SGCD: variants seen among roughly 807,000 people sequenced by gnomAD.
SGCD encodes the protein delta-sarcoglycan.
SGCD carries 18 observed loss-of-function variants against 36.6 expected under a neutral mutation model. The ratio of observed to expected loss-of-function variants is 0.49; its 90% CI spans 0.34 to 0.73. The LOEUF is 0.73. Ranked by LOEUF, SGCD falls within the 30% of genes least tolerant of loss-of-function variation. SGCD has a pLI of 0.01. For synonymous variants in SGCD, 133 were observed against 130.6 expected (o/e 1.02, Z -0.12); for missense variants, 387 against 346.7 (o/e 1.12, Z -0.92).
chr5:156,257,699 A>C (rs1352753603), intron 3 of SGCD, among the ~76,000 whole-genome samples: 1 of 152,016 alleles, frequency 6.6e-6, no homozygotes, highest in Non-Finnish European at 1.5e-5. Context: ...CCCCGTGTCT[A>C]CTAAAAACAC....
At chr5:156,606,365 G>C (rs1761453655) in intron 6 of SGCD, among the ~76,000 whole-genome samples, 1 of 152,074 alleles carries the variant, frequency 6.6e-6, no homozygotes, top group Non-Finnish European at 1.5e-5. Flanking sequence ...TAGATATGTG[G>C]CATTATTTCT....
the SGCD span, among the ~76,000 whole-genome samples, chr5:155,756,259 T>C: frequency 6.6e-6 from 1 of 152,316 alleles, no homozygotes; most frequent in East Asian, 1.9e-4. Flanking sequence ...TTCAGAGAAA[T>C]GTAGGGGATT....
chr5:155,947,798 C>T (rs1757468817), intron 1 of SGCD, among the ~76,000 whole-genome samples: 1 of 152,042 alleles, frequency 6.6e-6, no homozygotes, highest in Non-Finnish European at 1.5e-5. Context: ...TGTAGTCACT[C>T]TGATTTAGTG....
chr5:155,966,951 G>A (rs1429101038), intron 1 of SGCD, among the ~76,000 whole-genome samples: 1 of 151,394 alleles, frequency 6.6e-6, no homozygotes, highest in Non-Finnish European at 1.5e-5. Context: ...GTGTGTGTGT[G>A]TGTGTGTATG....
intron 3 of SGCD, among the ~76,000 whole-genome samples, chr5:156,165,551 A>G (rs965578272): frequency 5.3e-5 from 8 of 152,154 alleles, no homozygotes; most frequent in East Asian, 3.9e-4. Flanking sequence ...CAGATGTTTC[A>G]ATTTGTACTA....
Position 156,051,875 on chromosome 5 carries a change from GGTT to G in SGCD, c.-281-65996_-281-65994del, listed in dbSNP as rs978493421. On this transcript the variant is annotated intron_variant, in intron 1 of 9. Coordinates refer to the SGCD transcript ENST00000517913. ...GTGCTGGGGGAAAGAGGTGGGGAAG[GGTT>G]GTTGTTCTGAGCAGAGGGAATGGGA... Among the ~76,000 whole-genome samples, 5 of 145,310 alleles carry G rather than the reference GGTT, an allele frequency of 3.4e-5. 1 individual carries two copies. The highest frequency in any genetic ancestry group is 7.4e-5 in the African/African-American group (3 of 40,426).
chr5:155,875,974 C>T (rs2113284456), intron 1 of SGCD, among the ~76,000 whole-genome samples: 1 of 151,980 alleles, frequency 6.6e-6, no homozygotes, highest in East Asian at 1.9e-4. Context: ...TGTTCATCTC[C>T]ACTGTACCCT....
At chr5:156,089,359 C>T (rs1761183655) in intron 1 of SGCD, among the ~76,000 whole-genome samples, 1 of 152,176 alleles carries the variant, frequency 6.6e-6, no homozygotes, top group African/African-American at 2.4e-5. Flanking sequence ...TCTGTTTTCC[C>T]CATCGATTGC....
the SGCD span, among the ~76,000 whole-genome samples, chr5:155,848,840 A>G: frequency 6.6e-6 from 1 of 152,182 alleles, no homozygotes; most frequent in African/African-American, 2.4e-5. Flanking sequence ...AAGGAAGGAA[A>G]GGGCCATGCC....
intron 3 of SGCD, among the ~76,000 whole-genome samples, chr5:156,199,243 G>A (rs191261613): frequency 2.6e-5 from 4 of 152,280 alleles, no homozygotes; most frequent in Admixed American, 2.0e-4. Context: ...CTTTTCCTCA[G>A]CTAGTCTAAT....
the SGCD span, among the ~76,000 whole-genome samples, chr5:155,790,062 T>C: frequency 2.6e-5 from 4 of 152,214 alleles, no homozygotes; most frequent in South Asian, 6.2e-4. Context: ...AAAAAATGCA[T>C]ATGATGTTGA....
rs530144685 is a variant in SGCD, at chr5:156,432,153, C to G, written c.193-76448C>G. Among the ~76,000 whole-genome samples, 156 of 152,318 alleles carry G rather than the reference C, an allele frequency of 1.0e-3. 1 individual carries two copies. The highest frequency in any genetic ancestry group is 9.1e-4 in the Non-Finnish European group (62 of 68,026). ...GTCTCCCAGCAGTGGATACCAGCAT[C>G]TGCTCTGATGGAGGTAGCAGGGGAG... On this transcript the variant is annotated intron_variant, in intron 3 of 8. Transcript: ENST00000337851.
At chr5:155,968,687 C>T (rs745489096) in intron 1 of SGCD, among the ~76,000 whole-genome samples, 85 of 152,138 alleles carry the variant, frequency 5.6e-4, no homozygotes, top group Non-Finnish European at 1.1e-3. Flanking sequence ...GATCTTGGAA[C>T]GTATCCTCCT....
At chr5:156,031,523 T>C (rs2127575717) in intron 1 of SGCD, among the ~76,000 whole-genome samples, 1 of 152,316 alleles carries the variant, frequency 6.6e-6, no homozygotes, top group South Asian at 2.1e-4. Context: ...TAGGAGGTTA[T>C]TGTAAGGTTT....
At chr5:156,181,403 A>G (rs984827101) in intron 3 of SGCD, among the ~76,000 whole-genome samples, 1 of 152,208 alleles carries the variant, frequency 6.6e-6, no homozygotes, top group African/African-American at 2.4e-5. Flanking sequence ...ACTGACCCAT[A>G]GATTTTTCAA....
chr5:156,282,755 G>A (rs61271334), intron 3 of SGCD, among the ~76,000 whole-genome samples: 9,475 of 152,006 alleles, frequency 0.062, 591 homozygotes, highest in African/African-American at 0.16. Flanking sequence ...TATTAGGTTG[G>A]TGCAAAAGTA....
intron 4 of SGCD, among the ~76,000 whole-genome samples, chr5:156,576,896 G>T (rs147919561): frequency 2.6e-5 from 4 of 151,990 alleles, no homozygotes; most frequent in East Asian, 1.9e-4. Flanking sequence ...ACTTTCTTTC[G>T]CTGTGCAGAA....
At chr5:156,661,752 G>T (rs1296525594) in intron 7 of SGCD, among the ~76,000 whole-genome samples, 2 of 151,494 alleles carry the variant, frequency 1.3e-5, no homozygotes, top group African/African-American at 4.9e-5. Flanking sequence ...AATCTGCCAT[G>T]CACCAGAATT....
chr5:155,788,346 G>A, the SGCD span, among the ~76,000 whole-genome samples: 1 of 152,140 alleles, frequency 6.6e-6, no homozygotes, highest in Non-Finnish European at 1.5e-5. Flanking sequence ...GAGACAGGAA[G>A]AATGACAGAA....
Sources: allele counts gnomAD v4.1 joint callset (sites outside exome capture counted in the v4.1 genomes callset), GRCh38; gene constraint gnomAD v4.1.1; transcripts MANE v1.5; gene names NCBI Gene and HGNC (gene_info 2026-07-23, HGNC 2026-07-21).